CACNB2: variants seen among roughly 807,000 people sequenced by gnomAD.
The protein encoded by CACNB2 is calcium voltage-gated channel auxiliary subunit beta 2.
A neutral mutation model predicts 73.3 loss-of-function variants in CACNB2; 42 were observed. That is an observed-to-expected ratio of 0.57 (90% CI 0.45 to 0.74). The LOEUF is 0.74. Ranked by LOEUF, CACNB2 falls within the 30% of genes least tolerant of loss-of-function variation. The pLI, the probability that CACNB2 is intolerant of heterozygous loss-of-function variation, is 0.00. For missense variants in CACNB2, 940 were observed against 853.0 expected (o/e 1.10, Z -1.27); for synonymous variants, 348 against 310.3 (o/e 1.12, Z -1.28).
At chr10:18,531,915 C>G (rs1164952083) in intron 10 of CACNB2, 2 of 152,150 alleles carry the variant, frequency 1.3e-5, no homozygotes, top group African/African-American at 2.4e-5. Flanking sequence ...GGAAGGCTTG[C>G]CCCGTCTTCA....
At chr10:18,328,836 A>G (rs1478470999) in intron 2 of CACNB2, among the ~76,000 whole-genome samples, 2 of 152,216 alleles carry the variant, frequency 1.3e-5, no homozygotes, top group African/African-American at 4.8e-5. Flanking sequence ...AGAACTGTAT[A>G]TGATTTCACT....
chr10:18,342,534 G>C (rs1468054678), intron 2 of CACNB2, among the ~76,000 whole-genome samples: 3 of 152,158 alleles, frequency 2.0e-5, no homozygotes, highest in African/African-American at 7.2e-5. Context: ...GTATCATGGG[G>C]AATCTGCACA....
At chr10:18,496,463 G>A (rs1464600773) in intron 3 of CACNB2, among the ~76,000 whole-genome samples, 4 of 152,116 alleles carry the variant, frequency 2.6e-5, no homozygotes, top group Admixed American at 6.5e-5. Flanking sequence ...GGTAGAGAGC[G>A]CATTGAATAG....
At chr10:18,472,104 C>T (rs1407654735) in intron 3 of CACNB2, among the ~76,000 whole-genome samples, 1 of 151,938 alleles carries the variant, frequency 6.6e-6, no homozygotes, top group Non-Finnish European at 1.5e-5. Context: ...TTACAGGTTT[C>T]AGTTTCTCTT....
chr10:18,157,025 G>GCA (rs1443369237), intron 2 of CACNB2, among the ~76,000 whole-genome samples: 1 of 150,004 alleles, frequency 6.7e-6, no homozygotes, highest in Non-Finnish European at 1.5e-5. Context: ...TTGCGCCATT[G>GCA]CACTCCTGCC....
At chr10:18,261,065 C>A in intron 2 of CACNB2, 55 of 1,359,748 alleles carry the variant, frequency 4.0e-5, no homozygotes, top group Middle Eastern at 2.8e-4. Context: ...CAAAAAAAGA[C>A]AAACAGGGGA....
chr10:18,487,654 G>T (rs2049136304), intron 3 of CACNB2, among the ~76,000 whole-genome samples: 1 of 152,030 alleles, frequency 6.6e-6, no homozygotes, highest in Non-Finnish European at 1.5e-5. Flanking sequence ...CGCCAACATA[G>T]TGAAACCCTG....
intron 2 of CACNB2, among the ~76,000 whole-genome samples, chr10:18,378,179 C>G (rs1404710621): frequency 2.0e-5 from 3 of 152,130 alleles, no homozygotes; most frequent in Non-Finnish European, 1.5e-5. Flanking sequence ...AAACTTCTCC[C>G]TAGACCTGAA....
chr10:18,232,206 T>C (rs1479720093), intron 2 of CACNB2, among the ~76,000 whole-genome samples: 1 of 152,216 alleles, frequency 6.6e-6, no homozygotes, highest in African/African-American at 2.4e-5. Flanking sequence ...TAATAATATT[T>C]CTAACAGTGT....
At chr10:18,372,103 G>C (rs1394047921) in intron 2 of CACNB2, among the ~76,000 whole-genome samples, 1 of 152,030 alleles carries the variant, frequency 6.6e-6, no homozygotes, top group Non-Finnish European at 1.5e-5. Context: ...CTGGATATTA[G>C]ACCTTTGTCA....
chr10:18,347,344 A>ATTTTTTTTTTTTTT (rs201654242), intron 2 of CACNB2, among the ~76,000 whole-genome samples: 23 of 120,818 alleles, frequency 1.9e-4, no homozygotes, highest in Middle Eastern at 4.4e-3. Context: ...TGCCCGTCTA[A>ATTTTTTTTTTTTTT]TTTTTTTTTT....
chr10:18,299,684 C>T (rs948039952), intron 2 of CACNB2, among the ~76,000 whole-genome samples: 2 of 152,120 alleles, frequency 1.3e-5, no homozygotes, highest in Admixed American at 1.3e-4. Context: ...GCACTCCAGA[C>T]TGGGTGACAG....
chr10:18,230,325 C>A (rs2036176352), intron 2 of CACNB2, among the ~76,000 whole-genome samples: 1 of 152,096 alleles, frequency 6.6e-6, no homozygotes, highest in East Asian at 1.9e-4. Context: ...AAGAATGAAC[C>A]CTCTCTTCTA....
chr10:18,291,973 A>G (rs1408588343), intron 2 of CACNB2, among the ~76,000 whole-genome samples: 2 of 152,202 alleles, frequency 1.3e-5, no homozygotes, highest in African/African-American at 2.4e-5. Context: ...TATGAACTAT[A>G]AGACATGTAA....
At chr10:18,237,588 A>G (rs1233069843) in intron 2 of CACNB2, among the ~76,000 whole-genome samples, 6 of 152,178 alleles carry the variant, frequency 3.9e-5, no homozygotes. Context: ...GTGTATTTCC[A>G]TTGCTTTCAG....
At chr10:18,431,772 CT>C (rs60046163) in intron 3 of CACNB2, among the ~76,000 whole-genome samples, 131,755 of 151,132 alleles carry the variant, frequency 0.87, 57,787 homozygotes, top group African/African-American at 0.96. Flanking sequence ...ATTTCTTTTT[CT>C]TTTTTTTTTG....
intron 3 of CACNB2, among the ~76,000 whole-genome samples, chr10:18,437,166 C>G (rs2046177955): frequency 6.6e-6 from 1 of 152,150 alleles, no homozygotes; most frequent in South Asian, 2.1e-4. Flanking sequence ...AATACTGTTT[C>G]CAATTAGTTG....
Position 18,540,287 on chromosome 10 carries a change from TTGTAAA to T in CACNB2, c.*567_*572del, listed in dbSNP as rs2053996500. 7.0e-6 allele frequency: 1 copy of T among 143,594 alleles called. No individual in the cohort carries two copies. The highest frequency in any genetic ancestry group is 2.6e-5 in the African/African-American group (1 of 38,790). The allele number at this position is 143,594 out of a possible 1,614,324, so 8.9% of individuals were successfully genotyped here. A position where few individuals can be genotyped will look rare whatever the true frequency, so the allele number is the denominator to read the frequency against. On this transcript the variant is annotated 3_prime_UTR_variant, in exon 14 of 14. Transcript: ENST00000324631. The stretch of plus-strand genomic sequence containing the variant: ...TAGTACTGTGTACTGTATAGACAGT[TTGTAAA>T]TGTTATTTCTGCAAACAAACACCTT...
In CACNB2 at chr10:18,534,083, TCA is replaced by T. The variant is rs1435786360; in HGVS notation, c.1063_1064del (p.Gln355GlufsTer2). 1 of 1,614,124 alleles carries T rather than the reference TCA, an allele frequency of 6.2e-7. No homozygotes were observed. The highest frequency in any genetic ancestry group is 1.7e-5 in the Admixed American group (1 of 60,028). On this transcript the variant is annotated frameshift_variant, in exon 11 of 14. Transcript: ENST00000324631. LOFTEE classifies it high-confidence loss of function. Reference protein sequence around the residue: ...SNTRSSLAEVQSEIERIFELA... With the variant: ...SNTRSSLAEVXSEIERIFELA... ...TTGTTTCGCCCTTTACAGCGGAAGT[TCA>T]GAGTGAAATCGAAAGGATTTTTGAA...
Sources: gnomAD v4.1 joint callset for allele counts (sites outside exome capture counted in the v4.1 genomes callset) on GRCh38, gnomAD v4.1.1 for gene constraint, MANE v1.5 for transcripts, NCBI Gene and HGNC (gene_info 2026-07-23, HGNC 2026-07-21) for gene names.